The following UBE3A variants were observed in gnomAD, a reference collection of about 807,000 sequenced individuals.
The protein encoded by UBE3A is ubiquitin protein ligase E3A, also known as ubiquitin-protein ligase E3A.
In UBE3A, 6 loss-of-function variants were observed where a neutral mutation model predicts 83.4. The ratio of observed to expected loss-of-function variants is 0.07; its 90% CI spans 0.04 to 0.14. The LOEUF is 0.14. Ranked by LOEUF, UBE3A falls within the 10% of genes least tolerant of loss-of-function variation. The probability of loss-of-function intolerance (pLI) is 1.00; values close to 1 mark genes in which losing one functional copy is unlikely to be tolerated. For missense variants in UBE3A, 456 were observed against 1,036.1 expected (o/e 0.44, Z 7.69); for synonymous variants, 337 against 355.4 (o/e 0.95, Z 0.58).
rs1375013353 is a variant in UBE3A, at chr15:25,338,182, TAAA to T, written c.*952_*954del. On this transcript the variant is annotated 3_prime_UTR_variant, in exon 13 of 13. Transcript: ENST00000648336. ...ATCTAGGTAATAAGTAAGTAATTAA[TAAA>T]AACTCTATCTTAAGTGCACTTTCAC... 6.6e-6 allele frequency: 1 copy of T among 152,104 alleles called. No individual in the cohort carries two copies. Among genetic ancestry groups the T allele is most frequent in the African/African-American group, 2.4e-5 (1 of 41,434 alleles). The allele number at this position is 152,104 out of a possible 1,614,324, so 9.4% of individuals were successfully genotyped here.
chr15:25,347,158 C>A (rs1013794312), intron 11 of UBE3A: 1 of 152,080 alleles, frequency 6.6e-6, no homozygotes, highest in Non-Finnish European at 1.5e-5. Flanking sequence ...ATGGAAATAG[C>A]AGAAACATGG....
Position 25,356,334 on chromosome 15 carries a change from G to A in UBE3A, c.1960-278C>T, listed in dbSNP as rs2077208017. On this transcript the variant is annotated intron_variant, in intron 8 of 12. Coordinates refer to ENST00000648336, the MANE Select transcript of UBE3A (RefSeq NM_130839.5). ...AGAAATTCTGTGGTGTCTCAAGGTG[G>A]GGGTGGGGGTGGTAGGAGCAGGCAC... Among the ~76,000 whole-genome samples the A allele has an allele frequency of 1.3e-5, 2 of 151,908 alleles. 1 individual carries two copies. The highest frequency in any genetic ancestry group is 1.3e-4 in the Admixed American group (2 of 15,232).
chr15:25,384,191 G>GGCT (rs1227885401), intron 4 of UBE3A, among the ~76,000 whole-genome samples: 1 of 152,170 alleles, frequency 6.6e-6, no homozygotes, highest in Non-Finnish European at 1.5e-5. Context: ...CGGACGTGGT[G>GGCT]GCTCACGCCT....
In UBE3A at chr15:25,336,766, AC is replaced by A. The variant is rs1291067707; in HGVS notation, c.*2370del. The A allele has an allele frequency of 6.6e-6, 1 of 152,190 alleles. No individual in the cohort carries two copies. Among genetic ancestry groups the A allele is most frequent in the Admixed American group, 6.5e-5 (1 of 15,278 alleles). 9.4% of individuals were successfully genotyped at this position (152,190 alleles called of 1,614,324 possible). A position where few individuals can be genotyped will look rare whatever the true frequency, so the allele number is the denominator to read the frequency against. ...TTTACATTTATTTGGAAAACCAGTT[AC>A]TTTAGTTTATGGTTCCTTTTTTTCC... On this transcript the variant is annotated 3_prime_UTR_variant, in exon 13 of 13. Transcript: ENST00000648336.
At chr15:25,398,886 G>A (rs1596151670) in intron 4 of UBE3A, among the ~76,000 whole-genome samples, 1 of 144,714 alleles carries the variant, frequency 6.9e-6, no homozygotes, top group South Asian at 2.2e-4. Context: ...CTGAGCAAAC[G>A]TCATGCTATT....
intron 2 of UBE3A, among the ~76,000 whole-genome samples, chr15:25,411,235 T>C (rs773249103): frequency 2.0e-5 from 3 of 152,192 alleles, no homozygotes; most frequent in Non-Finnish European, 2.9e-5. Flanking sequence ...ACCTATTCCA[T>C]AGAGCTGTCA....
At chr15:25,428,744 A>T (rs2153174646) in intron 1 of UBE3A, among the ~76,000 whole-genome samples, 1 of 152,318 alleles carries the variant, frequency 6.6e-6, no homozygotes, top group South Asian at 2.1e-4. Context: ...ACTATTTTAA[A>T]ATCTGACAAT....
chr15:25,339,988 C>A, intron 12 of UBE3A, 97 bp downstream of exon 12: 1 of 1,485,270 alleles, frequency 6.7e-7, no homozygotes, highest in Non-Finnish European at 9.4e-7. Context: ...TATAAAATCA[C>A]GAATGTGCTC....
rs763113625 is a variant in UBE3A, at chr15:25,371,805, A to C, written c.369T>G (p.Thr123=). The C allele has an allele frequency of 6.2e-7, 1 of 1,608,224 alleles. No individual in the cohort carries two copies. Among genetic ancestry groups the C allele is most frequent in the South Asian group, 1.1e-5 (1 of 90,870 alleles). Reference sequence around the variant, plus strand: ...CATATACCTTCTCTTCTGTTAAGTAAGTCACATCTAGAAAATCAGAGGAAA... The same window carrying C: ...CATATACCTTCTCTTCTGTTAAGTACGTCACATCTAGAAAATCAGAGGAAA... The part of the protein sequence containing the change: ...KGARIDFKDV[T]YLTEEKVYEI... The change falls in exon 6 of 13, where the codon ACT becomes ACG. Residue 123 remains threonine, a synonymous_variant. Coordinates refer to ENST00000648336, the MANE Select transcript of UBE3A (RefSeq NM_130839.5). The surrounding 1 kb of genome is among the most constrained non-coding windows in gnomAD (Gnocchi z 5.3).
intron 4 of UBE3A, among the ~76,000 whole-genome samples, chr15:25,382,856 C>T (rs1396550699): frequency 5.3e-5 from 8 of 152,052 alleles, no homozygotes; most frequent in South Asian, 2.1e-4. Context: ...CCTTTGAGAA[C>T]GGATAGACAC....
intron 1 of UBE3A, among the ~76,000 whole-genome samples, chr15:25,413,423 C>T (rs2090350135): frequency 6.6e-6 from 1 of 152,000 alleles, no homozygotes; most frequent in South Asian, 2.1e-4. Flanking sequence ...TCCTTTGCAT[C>T]ATGTTTATGG....
At chr15:25,382,001 AAT>A (rs1253967024) in intron 4 of UBE3A, among the ~76,000 whole-genome samples, 1 of 152,238 alleles carries the variant, frequency 6.6e-6, no homozygotes, top group Non-Finnish European at 1.5e-5. Context: ...AGTTGTTTGA[AAT>A]ATAGGTTAAC....
Position 25,433,424 on chromosome 15 carries a change from G to A in UBE3A, c.-165+5065C>T, listed in dbSNP as rs8024975. Reference sequence around the variant, plus strand: ...GATGGTCTCGATCTCCTGATCTCGTGATCCGCCCGCCTCGGCTTCCCAAAG... The same window carrying A: ...GATGGTCTCGATCTCCTGATCTCGTAATCCGCCCGCCTCGGCTTCCCAAAG... On this transcript the variant is annotated intron_variant, in intron 1 of 12. Coordinates refer to ENST00000648336, the MANE Select transcript of UBE3A (RefSeq NM_130839.5). Among the ~76,000 whole-genome samples the A allele has an allele frequency of 1.9e-3, 283 of 152,186 alleles. 2 individuals carry two copies. Among genetic ancestry groups the A allele is most frequent in the African/African-American group, 6.5e-3 (270 of 41,542 alleles).
chr15:25,397,834 T>C (rs192510531), intron 4 of UBE3A, among the ~76,000 whole-genome samples: 1 of 152,238 alleles, frequency 6.6e-6, no homozygotes, highest in Admixed American at 6.5e-5. Flanking sequence ...AATGTCCCTG[T>C]ACATGGTTCT....
chr15:25,361,618 A>G (rs2078122086), intron 6 of UBE3A, among the ~76,000 whole-genome samples: 2 of 151,558 alleles, frequency 1.3e-5, no homozygotes, highest in South Asian at 4.1e-4. Context: ...TTATGTATCT[A>G]AAATTTGCTA....
Position 25,337,649 on chromosome 15 carries a change from C to G in UBE3A, c.*1488G>C, listed in dbSNP as rs753703501. 3 of 152,130 alleles carry G rather than the reference C, an allele frequency of 2.0e-5. No homozygotes were observed. The highest frequency in any genetic ancestry group is 2.9e-5 in the Non-Finnish European group (2 of 68,002). The allele number at this position is 152,130 out of a possible 1,614,324, so 9.4% of individuals were successfully genotyped here. ...TCCTGCCAATTTCAAACAAACAAATCATCAGGTTGATCTACAGTAATCAGT... is the reference window on the plus strand; with the variant it reads ...TCCTGCCAATTTCAAACAAACAAATGATCAGGTTGATCTACAGTAATCAGT... On this transcript the variant is annotated 3_prime_UTR_variant, in exon 13 of 13. Coordinates refer to ENST00000648336, the MANE Select transcript of UBE3A (RefSeq NM_130839.5).
At chr15:25,343,364 G>C (rs903428548) in intron 11 of UBE3A, among the ~76,000 whole-genome samples, 1 of 152,112 alleles carries the variant, frequency 6.6e-6, no homozygotes, top group Non-Finnish European at 1.5e-5. Flanking sequence ...TGCAGCAGCA[G>C]ACAAGACAGA....
chr15:25,342,234 G>A (rs1443195894), intron 11 of UBE3A, among the ~76,000 whole-genome samples: 5 of 152,004 alleles, frequency 3.3e-5, no homozygotes, highest in Non-Finnish European at 4.4e-5. Context: ...TGGTAATAAA[G>A]CCTCCTCACA....
At chr15:25,405,726 A>G (rs1430421348) in intron 3 of UBE3A, 4 of 565,608 alleles carry the variant, frequency 7.1e-6, no homozygotes, top group African/African-American at 1.9e-5. Flanking sequence ...CATGTTTTTT[A>G]AAGGAAACTG....
Sources: gnomAD v4.1 joint callset for allele counts (sites outside exome capture counted in the v4.1 genomes callset) on GRCh38, gnomAD v4.1.1 for gene constraint, Gnocchi (gnomAD v3.1) non-coding constraint, MANE v1.5 for transcripts, NCBI Gene and HGNC (gene_info 2026-07-23, HGNC 2026-07-21) for gene names.